The following RBFOX3 variants were observed in gnomAD, a reference collection of about 807,000 sequenced individuals.
The protein encoded by RBFOX3 is RNA binding fox-1 homolog 3.
In RBFOX3, 17 loss-of-function variants were observed where a neutral mutation model predicts 48.7. The observed-to-expected ratio is 0.35, with a 90% CI of 0.24 to 0.52. The LOEUF (loss-of-function observed/expected upper bound fraction) is 0.52, where lower values mean the gene tolerates loss of function less well. Among genes scored for constraint, RBFOX3 ranks in the 20% least tolerant of loss-of-function variants. The probability of loss-of-function intolerance (pLI) is 0.94; values close to 1 mark genes in which losing one functional copy is unlikely to be tolerated. For missense variants in RBFOX3, 382 were observed against 497.5 expected (o/e 0.77, Z 2.21); for synonymous variants, 212 against 209.5 (o/e 1.01, Z -0.10).
intron 3 of RBFOX3, among the ~76,000 whole-genome samples, chr17:79,250,831 CTCTT>C (rs1337844272): frequency 1.5e-5 from 2 of 131,600 alleles, no homozygotes; most frequent in Middle Eastern, 3.8e-3. Context: ...CTCTCTTTCT[CTCTT>C]TCTTTCTTTC....
chr17:79,225,791 G>A (rs115995751), intron 4 of RBFOX3, among the ~76,000 whole-genome samples: 2,438 of 152,332 alleles, frequency 0.016, 59 homozygotes, highest in African/African-American at 0.055. Context: ...TGCAGGCTGG[G>A]CCCATTCCAC....
intron 2 of RBFOX3, among the ~76,000 whole-genome samples, chr17:79,451,911 G>T (rs1056395853): frequency 5.9e-5 from 9 of 152,294 alleles, no homozygotes; most frequent in Admixed American, 1.3e-4. Context: ...CTTCCCCCAC[G>T]CCCACAGCAT....
chr17:79,614,828 A>T (rs2093987844), upstream of RBFOX3, among the ~76,000 whole-genome samples: 1 of 152,172 alleles, frequency 6.6e-6, no homozygotes, highest in Admixed American at 6.5e-5. Context: ...AAAGAGGAGA[A>T]AAAGAAGAAA....
intron 14 of RBFOX3, among the ~76,000 whole-genome samples, chr17:79,091,151 G>A (rs915934095): frequency 6.6e-6 from 1 of 152,188 alleles, no homozygotes; most frequent in African/African-American, 2.4e-5. Flanking sequence ...TGGAGAGGCT[G>A]GGCCAGCACA....
At chr17:79,278,840 C>T (rs758575494) in intron 3 of RBFOX3, among the ~76,000 whole-genome samples, 5 of 152,198 alleles carry the variant, frequency 3.3e-5, no homozygotes, top group Admixed American at 2.0e-4. Context: ...CCTGGCCCAG[C>T]CCCTCCAGTG....
intron 2 of RBFOX3, among the ~76,000 whole-genome samples, chr17:79,335,814 A>C (rs2081103173): frequency 6.6e-6 from 1 of 152,082 alleles, no homozygotes. Context: ...CTGGCACCGC[A>C]CACTCAGGCA....
chr17:79,485,470 C>T (rs1281740252), intron 1 of RBFOX3, among the ~76,000 whole-genome samples: 1 of 152,144 alleles, frequency 6.6e-6, no homozygotes, highest in Non-Finnish European at 1.5e-5. Context: ...CCCTCCCCAG[C>T]ACAGAAATCT....
At chr17:79,602,664 G>T (rs2093731929) in intron 1 of RBFOX3, among the ~76,000 whole-genome samples, 1 of 150,080 alleles carries the variant, frequency 6.7e-6, no homozygotes, top group South Asian at 2.1e-4. Context: ...CACACACTTT[G>T]TTTTTTTTTT....
At chr17:79,104,303 C>T (rs2076972051) in intron 6 of RBFOX3, among the ~76,000 whole-genome samples, 177 bp from the exon 7 acceptor site, 1 of 152,174 alleles carries the variant, frequency 6.6e-6, no homozygotes, top group Admixed American at 6.5e-5. Flanking sequence ...GCAGCTGGGA[C>T]TTGGCCACTT....
At chr17:79,532,936 T>C (rs901965436) in intron 1 of RBFOX3, among the ~76,000 whole-genome samples, 1 of 152,214 alleles carries the variant, frequency 6.6e-6, no homozygotes, top group Non-Finnish European at 1.5e-5. Context: ...ACGGAAGCTC[T>C]GGCAGCAGAC....
intron 1 of RBFOX3, among the ~76,000 whole-genome samples, chr17:79,575,117 G>GC (rs1225729737): frequency 3.9e-5 from 6 of 152,196 alleles, no homozygotes; most frequent in African/African-American, 9.7e-5. Flanking sequence ...GGGCTGTGAA[G>GC]CCCCCCAGGC....
chr17:79,656,238 G>T, the RBFOX3 span, among the ~76,000 whole-genome samples: 2 of 152,172 alleles, frequency 1.3e-5, no homozygotes, highest in Non-Finnish European at 2.9e-5. Flanking sequence ...TGTCTCTCCT[G>T]CAACTCCTCC....
chr17:79,143,995 G>A lies in RBFOX3; in HGVS notation c.-33-28247C>T, dbSNP rs144524829. On this transcript the variant is annotated intron_variant, in intron 4 of 14. Transcript: ENST00000693108. ...CGAAGGGGGACAGACCTGCTTGGCCGGTGCCTGGATGGTAACAGGCCCCCG... is the reference window on the plus strand; with the variant it reads ...CGAAGGGGGACAGACCTGCTTGGCCAGTGCCTGGATGGTAACAGGCCCCCG... 5.3e-4 allele frequency among the ~76,000 whole-genome samples: 80 copies of A among 152,326 alleles called. No individual in the cohort carries two copies. The East Asian group carries it at 0.013, about 25-fold the overall frequency.
chr17:79,358,946 G>A (rs2085758785), intron 2 of RBFOX3, among the ~76,000 whole-genome samples: 2 of 152,194 alleles, frequency 1.3e-5, no homozygotes, highest in African/African-American at 4.8e-5. Flanking sequence ...AGTGCCCCCA[G>A]AGGGCTCGCG....
rs2092296497 is a variant in RBFOX3 at position 79,562,783 on chromosome 17, C to G, written c.-320+48043G>C. Among the ~76,000 whole-genome samples the G allele has an allele frequency of 5.9e-5, 9 of 152,296 alleles. No individual in the cohort carries two copies. The South Asian group carries it at 1.9e-3, about 32-fold the overall frequency. On this transcript the variant is annotated intron_variant, in intron 1 of 14. Transcript: ENST00000693108. ...GCCTGCCACATACAACCTTCTCCTCCCAGCTCCAGATAAAAGGAGCAGGGA... is the reference window on the plus strand; with the variant it reads ...GCCTGCCACATACAACCTTCTCCTCGCAGCTCCAGATAAAAGGAGCAGGGA...
At chr17:79,632,997 C>A in the RBFOX3 span, among the ~76,000 whole-genome samples, 6 of 152,328 alleles carry the variant, frequency 3.9e-5, no homozygotes, top group East Asian at 1.2e-3. Flanking sequence ...CCCTGAGATA[C>A]CCAAGTTTGG....
intron 2 of RBFOX3, among the ~76,000 whole-genome samples, chr17:79,381,551 A>G (rs2059926723): frequency 6.6e-6 from 1 of 152,164 alleles, no homozygotes; most frequent in Non-Finnish European, 1.5e-5. Context: ...CAGGCAGGGC[A>G]TCTTCTGGTG....
chr17:79,270,851 C>T (rs370669608), intron 3 of RBFOX3, among the ~76,000 whole-genome samples: 10 of 152,250 alleles, frequency 6.6e-5, no homozygotes, highest in African/African-American at 1.9e-4. Context: ...ATGTACTACA[C>T]GCCATCTTCA....
the RBFOX3 span, among the ~76,000 whole-genome samples, chr17:79,621,411 C>T: frequency 3.3e-5 from 5 of 151,166 alleles, no homozygotes; most frequent in South Asian, 1.1e-3. Flanking sequence ...GCAAAGCCAA[C>T]GATACCCAGC....
Sources: allele counts gnomAD v4.1 joint callset (sites outside exome capture counted in the v4.1 genomes callset), GRCh38; gene constraint gnomAD v4.1.1; transcripts MANE v1.5; gene names NCBI Gene and HGNC (gene_info 2026-07-23, HGNC 2026-07-21).